Variants in RHBDL2 observed in about 807,000 individuals in gnomAD.
RHBDL2 encodes rhomboid-related protein 2.
A neutral mutation model predicts 31.7 loss-of-function variants in RHBDL2; 26 were observed. The observed-to-expected ratio is 0.82, with a 90% CI of 0.60 to 1.14. The LOEUF is 1.14. RHBDL2 is among the 50% of genes most tolerant of loss of function. RHBDL2 has a pLI of 0.00. For missense variants in RHBDL2, 336 were observed against 364.4 expected (o/e 0.92, Z 0.63); for synonymous variants, 123 against 127.2 (o/e 0.97, Z 0.22).
intron 5 of RHBDL2, 122 bp from the exon 6 acceptor site, chr1:38,893,346 A>G: frequency 1.9e-6 from 1 of 540,052 alleles, no homozygotes; most frequent in Non-Finnish European, 3.3e-6. Context: ...TTTGCAAAAC[A>G]AAGCATGAGT....
chr1:38,912,569 A>G (rs893294935), intron 3 of RHBDL2, among the ~76,000 whole-genome samples: 5 of 151,798 alleles, frequency 3.3e-5, no homozygotes, highest in African/African-American at 1.2e-4. Context: ...CACCCTGTGC[A>G]GATCTAATTT....
At chr1:38,936,506 T>A (rs1405924128) in intron 1 of RHBDL2, among the ~76,000 whole-genome samples, 1 of 149,598 alleles carries the variant, frequency 6.7e-6, no homozygotes, top group Non-Finnish European at 1.5e-5. Flanking sequence ...TTTGGGTTTT[T>A]TTTTTTTTTT....
intron 1 of RHBDL2, among the ~76,000 whole-genome samples, chr1:38,932,005 A>T (rs1471492683): frequency 6.6e-6 from 1 of 152,182 alleles, no homozygotes; most frequent in African/African-American, 2.4e-5. Flanking sequence ...GGCAGAAGCT[A>T]TGCTGGATAC....
chr1:38,891,260 C>CAA (rs11445131), intron 6 of RHBDL2, among the ~76,000 whole-genome samples: 11,873 of 78,828 alleles, frequency 0.15, 1,240 homozygotes, highest in Non-Finnish European at 0.19. Flanking sequence ...GACTCCGTCT[C>CAA]AAAAAAAAAA....
chr1:38,919,893 G>A (rs1040925976), intron 1 of RHBDL2, among the ~76,000 whole-genome samples: 1 of 151,990 alleles, frequency 6.6e-6, no homozygotes, highest in African/African-American at 2.4e-5. Flanking sequence ...ACCATTTAGA[G>A]TGTACAATTC....
chr1:38,928,199 TG>T (rs1247001195), intron 1 of RHBDL2, among the ~76,000 whole-genome samples: 1 of 149,138 alleles, frequency 6.7e-6, no homozygotes, highest in Non-Finnish European at 1.5e-5. Context: ...TGGAATGCAG[TG>T]GTGCGATCTT....
chr1:38,906,470 C>G (rs1054978862), intron 4 of RHBDL2, among the ~76,000 whole-genome samples: 1 of 151,902 alleles, frequency 6.6e-6, no homozygotes, highest in African/African-American at 2.4e-5. Context: ...GTCAGGAGAT[C>G]GAGACCATCC....
intron 2 of RHBDL2, 69 bp from the exon 3 acceptor site, chr1:38,915,779 G>A (rs41270789): frequency 1.4e-5 from 20 of 1,472,062 alleles, no homozygotes; most frequent in Admixed American, 3.5e-5. Flanking sequence ...CAAGCCCGTG[G>A]GCAGTAACTG....
At chr1:38,922,185 TGTAAA>T (rs1260639612) in intron 1 of RHBDL2, among the ~76,000 whole-genome samples, 2 of 151,916 alleles carry the variant, frequency 1.3e-5, no homozygotes, top group South Asian at 2.1e-4. Context: ...TGCCTTGCCT[TGTAAA>T]GTAGACATGT....
rs1467852545 is a variant in RHBDL2 at position 38,919,269 on chromosome 1, G to A, written c.-57C>T. The A allele has an allele frequency of 1.9e-6, 3 of 1,612,916 alleles. No individual in the cohort carries two copies. Among genetic ancestry groups the A allele is most frequent in the South Asian group, 1.1e-5 (1 of 90,950 alleles). ...CATGAATCCCAGGGAACAGCAGGTG[G>A]CCCTAGGTCCTCAGGCTGCCGCTCT... On this transcript the variant is annotated 5_prime_UTR_variant, in exon 2 of 8. Transcript: ENST00000372990.
At chr1:38,916,857 G>C (rs1340645878) in intron 2 of RHBDL2, among the ~76,000 whole-genome samples, 1 of 105,776 alleles carries the variant, frequency 9.5e-6, no homozygotes, top group East Asian at 2.6e-4. Flanking sequence ...GGGCGACAGA[G>C]CGACTCCATC....
intron 4 of RHBDL2, among the ~76,000 whole-genome samples, chr1:38,910,886 C>A (rs1010356184): frequency 6.7e-6 from 1 of 150,332 alleles, no homozygotes; most frequent in Admixed American, 6.7e-5. Context: ...TCAAGTGATT[C>A]TGGTGCCTCA....
At chr1:38,917,556 G>A (rs1429577344) in intron 2 of RHBDL2, among the ~76,000 whole-genome samples, 3 of 152,194 alleles carry the variant, frequency 2.0e-5, no homozygotes, top group South Asian at 2.1e-4. Context: ...CACACACACA[G>A]CTGATTGAAA....
intron 1 of RHBDL2, among the ~76,000 whole-genome samples, chr1:38,927,362 G>A (rs1266802841): frequency 6.6e-6 from 1 of 152,178 alleles, no homozygotes; most frequent in African/African-American, 2.4e-5. Flanking sequence ...GGGAGGCGGA[G>A]GTTGCGGTGA....
intron 4 of RHBDL2, among the ~76,000 whole-genome samples, chr1:38,906,149 G>A (rs986504893): frequency 5.3e-5 from 8 of 151,776 alleles, no homozygotes; most frequent in African/African-American, 1.2e-4. Flanking sequence ...TGGAAACAAG[G>A]CAAGAACATC....
At chr1:38,896,755 G>T (rs1311947514) in intron 4 of RHBDL2, among the ~76,000 whole-genome samples, 2 of 152,070 alleles carry the variant, frequency 1.3e-5, no homozygotes, top group Non-Finnish European at 2.9e-5. Context: ...AGATTTACTG[G>T]ACCAAAACAA....
At chr1:38,908,259 T>A (rs1197060781) in intron 4 of RHBDL2, among the ~76,000 whole-genome samples, 1 of 150,734 alleles carries the variant, frequency 6.6e-6, no homozygotes, top group African/African-American at 2.4e-5. Flanking sequence ...ATGCCTGTAA[T>A]CCCAGCACTT....
At chr1:38,921,101 A>T (rs1015085687) in intron 1 of RHBDL2, among the ~76,000 whole-genome samples, 1 of 152,158 alleles carries the variant, frequency 6.6e-6, no homozygotes, top group Admixed American at 6.5e-5. Flanking sequence ...GAGATAATGC[A>T]TGTAAAGCAC....
intron 1 of RHBDL2, chr1:38,926,053 A>T: frequency 8.0e-7 from 1 of 1,252,638 alleles, no homozygotes; most frequent in Non-Finnish European, 1.0e-6. Context: ...TGGGGAATTT[A>T]TCTTCTCCTG....
Sources: allele counts gnomAD v4.1 joint callset (sites outside exome capture counted in the v4.1 genomes callset), GRCh38; gene constraint gnomAD v4.1.1; transcripts MANE v1.5; gene names NCBI Gene and HGNC (gene_info 2026-07-23, HGNC 2026-07-21).